SDHAF3: variants seen among roughly 807,000 people sequenced by gnomAD.
The protein encoded by SDHAF3 is succinate dehydrogenase complex assembly factor 3, also known as succinate dehydrogenase assembly factor 3, mitochondrial.
In SDHAF3, 18 loss-of-function variants were observed where a neutral mutation model predicts 11.5. The observed-to-expected ratio is 1.56, with a 90% CI of 1.08 to 2.32. The LOEUF (loss-of-function observed/expected upper bound fraction) is 2.32. SDHAF3 is among the 30% of genes most tolerant of loss of function. SDHAF3 has a pLI of 0.00. For synonymous variants in SDHAF3, 72 were observed against 59.3 expected (o/e 1.21, Z -0.99); for missense variants, 200 against 154.4 (o/e 1.30, Z -1.57).
chr7:97,177,510 A>C (rs1487566048), intron 1 of SDHAF3, among the ~76,000 whole-genome samples: 2 of 152,178 alleles, frequency 1.3e-5, no homozygotes, highest in Non-Finnish European at 2.9e-5. Flanking sequence ...TCAAAAAAAA[A>C]ATAAGATACC....
intron 1 of SDHAF3, among the ~76,000 whole-genome samples, chr7:97,150,709 G>A (rs537413906): frequency 2.6e-5 from 4 of 151,386 alleles, no homozygotes; most frequent in East Asian, 1.9e-4. Context: ...GACTACAGGC[G>A]CCCACCACCA....
At chr7:97,180,788 A>C (rs202247406) in intron 1 of SDHAF3, among the ~76,000 whole-genome samples, 1 of 152,156 alleles carries the variant, frequency 6.6e-6, no homozygotes, top group East Asian at 1.9e-4. Flanking sequence ...TCCAGGTTAA[A>C]AATTTTGCTA....
intron 1 of SDHAF3, among the ~76,000 whole-genome samples, chr7:97,149,673 C>T (rs1003732743): frequency 2.6e-5 from 4 of 152,170 alleles, no homozygotes; most frequent in African/African-American, 9.7e-5. Context: ...TAATGATTGT[C>T]TGTCAGCAAG....
intron 1 of SDHAF3, among the ~76,000 whole-genome samples, chr7:97,162,610 G>A (rs1341933297): frequency 3.3e-5 from 5 of 151,976 alleles, no homozygotes; most frequent in Non-Finnish European, 5.9e-5. Context: ...CATTGGTTTC[G>A]AAGAACATAT....
intron 1 of SDHAF3, among the ~76,000 whole-genome samples, chr7:97,151,697 C>T (rs1789226529): frequency 6.6e-6 from 1 of 152,008 alleles, no homozygotes; most frequent in Non-Finnish European, 1.5e-5. Context: ...GACGGGGTTT[C>T]ACAGTGTTCA....
chr7:97,156,055 T>C (rs1789297026), intron 1 of SDHAF3, among the ~76,000 whole-genome samples: 1 of 152,206 alleles, frequency 6.6e-6, no homozygotes, highest in Admixed American at 6.5e-5. Context: ...TCCATTCTTA[T>C]TCACATTTAG....
At chr7:97,143,570 G>A (rs1354547092) in intron 1 of SDHAF3, among the ~76,000 whole-genome samples, 9 of 151,912 alleles carry the variant, frequency 5.9e-5, no homozygotes, top group South Asian at 2.1e-4. Context: ...TTTTCCATTC[G>A]TGAGTTACGT....
At chr7:97,164,233 CT>C (rs148658215) in intron 1 of SDHAF3, among the ~76,000 whole-genome samples, 86 of 143,988 alleles carry the variant, frequency 6.0e-4, no homozygotes, top group Non-Finnish European at 5.4e-4. Flanking sequence ...CGCCTGGCCT[CT>C]TTTTTTTTTT....
intron 1 of SDHAF3, among the ~76,000 whole-genome samples, chr7:97,130,335 C>T (rs1329170641): frequency 6.7e-6 from 1 of 150,368 alleles, no homozygotes; most frequent in Middle Eastern, 3.2e-3. Flanking sequence ...ATTCAATAAA[C>T]CATCACAAAA....
chr7:97,176,817 A>G (rs12671685), intron 1 of SDHAF3, among the ~76,000 whole-genome samples: 26,395 of 151,680 alleles, frequency 0.17, 2,592 homozygotes, highest in East Asian at 0.36. Context: ...ATTATGCACA[A>G]AGTTATGAAA....
At chr7:97,147,036 C>T (rs79468973) in intron 1 of SDHAF3, among the ~76,000 whole-genome samples, 8,079 of 151,720 alleles carry the variant, frequency 0.053, 253 homozygotes, top group Middle Eastern at 0.095. Context: ...CCACTGCGCC[C>T]GGCCAATAGG....
intron 1 of SDHAF3, among the ~76,000 whole-genome samples, chr7:97,174,055 G>T (rs1345675692): frequency 6.6e-6 from 1 of 151,954 alleles, no homozygotes; most frequent in Non-Finnish European, 1.5e-5. Flanking sequence ...GAGTAGCTGG[G>T]ATTACAGGCA....
intron 1 of SDHAF3, among the ~76,000 whole-genome samples, chr7:97,171,494 G>A (rs1160452966): frequency 6.6e-6 from 1 of 151,976 alleles, no homozygotes; most frequent in Non-Finnish European, 1.5e-5. Context: ...GCATTTTTAT[G>A]ATTTAACCTA....
chr7:97,174,914 C>A (rs1435160655), intron 1 of SDHAF3, among the ~76,000 whole-genome samples: 1 of 152,178 alleles, frequency 6.6e-6, no homozygotes. Context: ...CTGAATCATG[C>A]TGATTGCATT....
At chr7:97,150,562 CTTTTT>C (rs34184405) in intron 1 of SDHAF3, among the ~76,000 whole-genome samples, 2 of 104,744 alleles carry the variant, frequency 1.9e-5, no homozygotes, top group Non-Finnish European at 3.9e-5. Context: ...TCTTTTTTTC[CTTTTT>C]TTTTTTTTTT....
At chr7:97,119,240 G>T (rs967501788) in intron 1 of SDHAF3, among the ~76,000 whole-genome samples, 24 of 152,098 alleles carry the variant, frequency 1.6e-4, no homozygotes, top group African/African-American at 5.3e-4. Flanking sequence ...TTTTGTGGCC[G>T]TACAGGAAGG....
chr7:97,170,553 C>T (rs756760883), intron 1 of SDHAF3, among the ~76,000 whole-genome samples: 1 of 152,124 alleles, frequency 6.6e-6, no homozygotes. Context: ...TGTCCAATAT[C>T]ATGGACATAG....
intron 1 of SDHAF3, among the ~76,000 whole-genome samples, chr7:97,154,921 G>T (rs1262157827): frequency 1.3e-5 from 2 of 152,044 alleles, no homozygotes; most frequent in Non-Finnish European, 2.9e-5. Context: ...AATTACTCGG[G>T]TACCTTAGTA....
At chr7:97,172,905 C>G (rs2115742688) in intron 1 of SDHAF3, among the ~76,000 whole-genome samples, 1 of 152,254 alleles carries the variant, frequency 6.6e-6, no homozygotes, top group African/African-American at 2.4e-5. Context: ...TGTAAGCGGT[C>G]CCCTTTTGGG....
Sources: gnomAD v4.1 joint callset for allele counts (sites outside exome capture counted in the v4.1 genomes callset) on GRCh38, gnomAD v4.1.1 for gene constraint, MANE v1.5 for transcripts, NCBI Gene and HGNC (gene_info 2026-07-23, HGNC 2026-07-21) for gene names.